TTLL11: variants seen among roughly 807,000 people sequenced by gnomAD.
The protein encoded by TTLL11 is tubulin tyrosine ligase like 11.
In TTLL11, 42 loss-of-function variants were observed where a neutral mutation model predicts 51.7. The observed-to-expected ratio is 0.81, with a 90% CI of 0.64 to 1.05. The LOEUF is 1.05. TTLL11 is among the 50% of genes least tolerant of loss of function. The pLI, the probability that TTLL11 is intolerant of heterozygous loss-of-function variation, is 0.00. For synonymous variants in TTLL11, 381 were observed against 383.5 expected, an observed-to-expected ratio of 0.99 and a Z score of 0.08; for missense variants, 799 against 940.4, an observed-to-expected ratio of 0.85 and a Z score of 1.97.
At chr9:121,863,062 C>T (rs988359426) in intron 7 of TTLL11, among the ~76,000 whole-genome samples, 3 of 152,116 alleles carry the variant, frequency 2.0e-5, no homozygotes, top group African/African-American at 7.2e-5. Flanking sequence ...TCTTTCTTCC[C>T]GCCTGTATTT....
chr9:122,029,991 C>A (rs1376362527), intron 3 of TTLL11, among the ~76,000 whole-genome samples: 1 of 152,090 alleles, frequency 6.6e-6, no homozygotes, highest in Non-Finnish European at 1.5e-5. Context: ...ATAGGCTATA[C>A]CGTATAGCCT....
chr9:121,987,232 G>A (rs1323145825), intron 4 of TTLL11, among the ~76,000 whole-genome samples: 2 of 152,140 alleles, frequency 1.3e-5, no homozygotes, highest in Non-Finnish European at 2.9e-5. Flanking sequence ...TCTTGGGTTG[G>A]GAGGAAGGTT....
At chr9:121,961,808 C>A (rs55860252) in intron 6 of TTLL11, among the ~76,000 whole-genome samples, 11,797 of 152,236 alleles carry the variant, frequency 0.077, 692 homozygotes, top group African/African-American at 0.16. Flanking sequence ...GTAATCCCAG[C>A]ACTTTGGGAG....
chr9:121,882,357 C>T (rs1443310158), intron 6 of TTLL11, among the ~76,000 whole-genome samples: 7 of 152,174 alleles, frequency 4.6e-5, no homozygotes, highest in Admixed American at 6.5e-5. Flanking sequence ...GGCCGCAGCA[C>T]GAGAACACTG....
chr9:121,892,637 C>G (rs1233191508), intron 6 of TTLL11, among the ~76,000 whole-genome samples: 1 of 152,140 alleles, frequency 6.6e-6, no homozygotes, highest in Non-Finnish European at 1.5e-5. Flanking sequence ...ATATCAAGAA[C>G]CTTTTCTGCA....
At chr9:121,993,926 G>A (rs2131704547) in intron 3 of TTLL11, among the ~76,000 whole-genome samples, 1 of 152,266 alleles carries the variant, frequency 6.6e-6, no homozygotes, top group South Asian at 2.1e-4. Flanking sequence ...GATGTCACAG[G>A]TACACGCTAC....
chr9:121,974,020 T>C lies in TTLL11; in HGVS notation c.1470A>G (p.Lys490=), dbSNP rs1842639049. 1 of 1,551,444 alleles carries C rather than the reference T, an allele frequency of 6.4e-7. No homozygotes were observed. The highest frequency in any genetic ancestry group is 8.7e-7 in the Non-Finnish European group (1 of 1,146,840). The change falls in exon 6 of 9, where the codon AAA becomes AAG. Residue 490 remains lysine, a synonymous_variant. Coordinates refer to ENST00000321582, the MANE Select transcript of TTLL11 (RefSeq NM_001139442.2). ...AAAAAAGTACTTACTGATTCTCTCT[T>C]TTCTTCTTAAGTGGGTCCATGAGGC... ...TLRLMDPLKK[K]RENQSQQLEK...
chr9:122,061,232 C>T (rs1230783758), intron 1 of TTLL11, among the ~76,000 whole-genome samples: 5 of 152,182 alleles, frequency 3.3e-5, no homozygotes, highest in Admixed American at 6.5e-5. Context: ...AAACCAGGAT[C>T]GTCTCATCCC....
Position 122,092,954 on chromosome 9 carries a change from C to A in TTLL11, c.195G>T (p.Pro65=). The change falls in exon 1 of 9, where the codon CCG becomes CCT. Residue 65 remains proline, a synonymous_variant. Coordinates refer to ENST00000321582, the MANE Select transcript of TTLL11 (RefSeq NM_001139442.2). Reference sequence around the variant, plus strand: ...CAGCCGCACTGGGCTGCGCCGGGGCCGGGGCCAGGACCTTGGGCTGCTCCT... The same window carrying A: ...CAGCCGCACTGGGCTGCGCCGGGGCAGGGGCCAGGACCTTGGGCTGCTCCT... ...AGEEQPKVLA[P]APAQPSAAEE... 1 of 1,579,052 alleles carries A rather than the reference C, an allele frequency of 6.3e-7. No individual in the cohort carries two copies. Among genetic ancestry groups the A allele is most frequent in the Non-Finnish European group, 8.5e-7 (1 of 1,171,134 alleles).
chr9:122,019,609 C>A (rs1248830350), intron 3 of TTLL11, among the ~76,000 whole-genome samples: 1 of 152,090 alleles, frequency 6.6e-6, no homozygotes, highest in African/African-American at 2.4e-5. Flanking sequence ...ACCACCACAC[C>A]CGGTAAATCG....
At chr9:121,957,173 G>A (rs1031848009) in intron 6 of TTLL11, among the ~76,000 whole-genome samples, 2 of 151,340 alleles carry the variant, frequency 1.3e-5, no homozygotes, top group Non-Finnish European at 1.5e-5. Flanking sequence ...GGAGCTTATA[G>A]TCTCAGGTCT....
rs1469630087 is a variant in TTLL11 at position 121,819,085 on chromosome 9, T to A, written c.*3502A>T. 1 of 152,560 alleles carries A rather than the reference T, an allele frequency of 6.6e-6. No individual in the cohort carries two copies. The highest frequency in any genetic ancestry group is 2.4e-5 in the African/African-American group (1 of 41,426). The allele number at this position is 152,560 out of a possible 1,614,324, so 9.5% of individuals were successfully genotyped here. ...GTAAGAGGAAGCCAGGTGGTTTGTT[T>A]TAGGGATGGATGCTGCTCTCTCCTG... On this transcript the variant is annotated 3_prime_UTR_variant, in exon 9 of 9. Transcript: ENST00000321582.
chr9:121,997,845 C>T (rs566352107), intron 3 of TTLL11, among the ~76,000 whole-genome samples: 12 of 152,222 alleles, frequency 7.9e-5, no homozygotes, highest in South Asian at 4.2e-4. Flanking sequence ...GGCTGGGACC[C>T]GTCTCCTGAG....
At chr9:121,830,511 G>A (rs1457929389) in intron 8 of TTLL11, among the ~76,000 whole-genome samples, 1 of 152,222 alleles carries the variant, frequency 6.6e-6, no homozygotes, top group South Asian at 2.1e-4. Flanking sequence ...CCCAAACTGA[G>A]AGAAGCTTGA....
rs1032979174 is a variant in TTLL11, at chr9:121,995,313, T to G, written c.694-5543A>C. Among the ~76,000 whole-genome samples, 5 of 152,114 alleles carry G rather than the reference T, an allele frequency of 3.3e-5. No homozygotes were observed. ...ATGGAGTTTCAACTGGCGAGGGACA[T>G]GCATCCACGCATCACCAGGGCACCC... On this transcript the variant is annotated intron_variant, in intron 3 of 8. Transcript: ENST00000321582. The surrounding 1 kb of genome is among the most constrained non-coding windows in gnomAD (Gnocchi z 4.4).
intron 8 of TTLL11, among the ~76,000 whole-genome samples, chr9:121,825,169 G>T (rs1227109103): frequency 6.6e-6 from 1 of 152,162 alleles, no homozygotes; most frequent in Non-Finnish European, 1.5e-5. Context: ...ACCAGCTCTG[G>T]GCCAGGCCTC....
At chr9:122,082,746 A>G (rs985100660) in intron 1 of TTLL11, among the ~76,000 whole-genome samples, 17 of 152,000 alleles carry the variant, frequency 1.1e-4, no homozygotes, top group Admixed American at 9.2e-4. Context: ...AAAAAATGAA[A>G]TATCTGCTGG....
intron 6 of TTLL11, among the ~76,000 whole-genome samples, chr9:121,926,089 C>A (rs1196627135): frequency 1.3e-5 from 2 of 152,148 alleles, no homozygotes; most frequent in Non-Finnish European, 1.5e-5. Context: ...GTTTTTTAAT[C>A]TTTGCAGGCA....
intron 6 of TTLL11, among the ~76,000 whole-genome samples, chr9:121,915,990 TACACACAC>T (rs59554930): frequency 0.053 from 7,030 of 133,840 alleles, 192 homozygotes; most frequent in African/African-American, 0.093. Flanking sequence ...GACACACACA[TACACACAC>T]ACACACACAC....
Sources: gnomAD v4.1 joint callset for allele counts (sites outside exome capture counted in the v4.1 genomes callset) on GRCh38, gnomAD v4.1.1 for gene constraint, Gnocchi (gnomAD v3.1) non-coding constraint, MANE v1.5 for transcripts, NCBI Gene and HGNC (gene_info 2026-07-23, HGNC 2026-07-21) for gene names.